The following PKNOX2 variants were observed in gnomAD, a reference collection of about 807,000 sequenced individuals.
The protein encoded by PKNOX2 is PBX/knotted 1 homeobox 2.
In PKNOX2, 14 loss-of-function variants were observed where a neutral mutation model predicts 53.1. The observed-to-expected ratio is 0.26, with a 90% CI of 0.17 to 0.41. The LOEUF is 0.41. Ranked by LOEUF, PKNOX2 falls within the 10% of genes least tolerant of loss-of-function variation. The probability of loss-of-function intolerance (pLI) is 1.00; values close to 1 mark genes in which losing one functional copy is unlikely to be tolerated. For synonymous variants in PKNOX2, 257 were observed against 242.8 expected, an observed-to-expected ratio of 1.06 and a Z score of -0.54; for missense variants, 496 against 602.8, an observed-to-expected ratio of 0.82 and a Z score of 1.85.
chr11:125,405,256 A>G (rs555558193), intron 7 of PKNOX2, among the ~76,000 whole-genome samples: 7 of 146,312 alleles, frequency 4.8e-5, no homozygotes, highest in East Asian at 2.0e-4. Flanking sequence ...TAAAAATTCC[A>G]CCTATTTCAA....
intron 2 of PKNOX2, among the ~76,000 whole-genome samples, chr11:125,275,961 G>C (rs982448831): frequency 7.2e-5 from 11 of 152,174 alleles, no homozygotes; most frequent in African/African-American, 2.7e-4. Context: ...TGCAGAAAGG[G>C]AGAGTGAAGG....
intron 2 of PKNOX2, among the ~76,000 whole-genome samples, chr11:125,246,639 C>G (rs1443238842): frequency 1.3e-5 from 2 of 152,132 alleles, no homozygotes; most frequent in African/African-American, 4.8e-5. Flanking sequence ...ATGTCTTAGC[C>G]TTAGTTTCTC....
At chr11:125,201,020 C>A (rs998129864) in intron 1 of PKNOX2, among the ~76,000 whole-genome samples, 2 of 152,264 alleles carry the variant, frequency 1.3e-5, no homozygotes, top group African/African-American at 4.8e-5. Flanking sequence ...GATGGGGATC[C>A]CTTAATGCAG....
intron 2 of PKNOX2, among the ~76,000 whole-genome samples, chr11:125,264,347 T>C (rs1945133496): frequency 6.6e-6 from 1 of 152,156 alleles, no homozygotes. Context: ...CCCAGATCCC[T>C]TGGAATGCAG....
At chr11:125,275,016 T>A (rs111844231) in intron 2 of PKNOX2, among the ~76,000 whole-genome samples, 42 of 152,356 alleles carry the variant, frequency 2.8e-4, no homozygotes, top group African/African-American at 1.0e-3. Context: ...CAAGGCTTTA[T>A]TGTAGGTTCA....
chr11:125,164,825 C>T (rs892663973), intron 1 of PKNOX2, 49 bp downstream of exon 1: 5 of 177,992 alleles, frequency 2.8e-5, no homozygotes, highest in Non-Finnish European at 4.6e-5. Context: ...CAGGCGGCGG[C>T]GGCGGCGCGG....
intron 10 of PKNOX2, among the ~76,000 whole-genome samples, chr11:125,419,525 C>G (rs1956062661): frequency 6.6e-6 from 1 of 151,294 alleles, no homozygotes; most frequent in African/African-American, 2.4e-5. Context: ...TGTCTGCTAC[C>G]TTTTCCTTTA....
At chr11:125,208,158 G>A (rs924644519) in intron 1 of PKNOX2, among the ~76,000 whole-genome samples, 1 of 152,084 alleles carries the variant, frequency 6.6e-6, no homozygotes, top group Non-Finnish European at 1.5e-5. Context: ...CTTGAAGGAG[G>A]AGTAGAGTTC....
chr11:125,321,420 A>G (rs1949510545), intron 2 of PKNOX2, among the ~76,000 whole-genome samples: 1 of 152,244 alleles, frequency 6.6e-6, no homozygotes, highest in African/African-American at 2.4e-5. Flanking sequence ...GTATACTTTA[A>G]ATCTCTAGAT....
chr11:125,415,225 A>G (rs1955806827), intron 10 of PKNOX2, among the ~76,000 whole-genome samples: 1 of 148,554 alleles, frequency 6.7e-6, no homozygotes, highest in Non-Finnish European at 1.5e-5. Flanking sequence ...TGAGTTATAT[A>G]AAGTTTAGCT....
intron 1 of PKNOX2, among the ~76,000 whole-genome samples, chr11:125,224,672 C>T (rs1418529501): frequency 6.6e-6 from 1 of 152,228 alleles, no homozygotes; most frequent in African/African-American, 2.4e-5. Flanking sequence ...CTGCTGTGAT[C>T]CCAGATCCAG....
At chr11:125,427,214 AC>A (rs1423725248) in intron 10 of PKNOX2, among the ~76,000 whole-genome samples, 2 of 152,124 alleles carry the variant, frequency 1.3e-5, no homozygotes, top group Non-Finnish European at 2.9e-5. Flanking sequence ...GGCCATCTGC[AC>A]CCTCTCCTCC....
chr11:125,396,129 A>G (rs1954383979), intron 6 of PKNOX2, among the ~76,000 whole-genome samples: 1 of 151,556 alleles, frequency 6.6e-6, no homozygotes. Context: ...AATTTTTGTA[A>G]TTTTAGTAGA....
chr11:125,431,470 G>GGGGGGGGGGGGGGGGCCCCCCCCC lies in PKNOX2; in HGVS notation c.*78_*79insGGGGGGGGGGGGGGGCCCCCCCCC. On this transcript the variant is annotated 3_prime_UTR_variant, in exon 13 of 13. Coordinates refer to ENST00000298282, the MANE Select transcript of PKNOX2 (RefSeq NM_001382323.2). ...AGGCCTTCAGGGTGGGGGGGAAGGG[G>GGGGGGGGGGGGGGGGCCCCCCCCC]ACATGGGCAGGAAGCACCGAGGGAG... The GGGGGGGGGGGGGGGGCCCCCCCCC allele has an allele frequency of 3.5e-6, 1 of 282,772 alleles. No homozygotes were observed. Among genetic ancestry groups the GGGGGGGGGGGGGGGGCCCCCCCCC allele is most frequent in the African/African-American group, 2.4e-5 (1 of 41,030 alleles). 17.5% of individuals were successfully genotyped at this position (282,772 alleles called of 1,614,324 possible).
At chr11:125,287,561 G>A (rs1384017957) in intron 2 of PKNOX2, among the ~76,000 whole-genome samples, 4 of 152,158 alleles carry the variant, frequency 2.6e-5, no homozygotes, top group Non-Finnish European at 4.4e-5. Context: ...TTTAGCTGGG[G>A]CAGTCACTCC....
At chr11:125,283,225 C>G (rs1400239923) in intron 2 of PKNOX2, among the ~76,000 whole-genome samples, 1 of 152,004 alleles carries the variant, frequency 6.6e-6, no homozygotes, top group East Asian at 1.9e-4. Context: ...CAGCTAATGC[C>G]TACCATCAGA....
chr11:125,276,729 G>C (rs1053639003), intron 2 of PKNOX2, among the ~76,000 whole-genome samples: 10 of 152,188 alleles, frequency 6.6e-5, no homozygotes, highest in African/African-American at 2.4e-4. Flanking sequence ...CCCAGAGACT[G>C]GGAAATTGAA....
chr11:125,187,089 G>C (rs1165582583), intron 1 of PKNOX2, among the ~76,000 whole-genome samples: 1 of 152,170 alleles, frequency 6.6e-6, no homozygotes, highest in Non-Finnish European at 1.5e-5. Flanking sequence ...CCCCATACCA[G>C]TATCATGTTG....
intron 4 of PKNOX2, among the ~76,000 whole-genome samples, chr11:125,365,003 G>A (rs1043002723): frequency 2.6e-5 from 4 of 151,976 alleles, no homozygotes; most frequent in African/African-American, 9.7e-5. Context: ...TTAAAGAGTT[G>A]GGGTATTGGA....
Sources: allele counts gnomAD v4.1 joint callset (sites outside exome capture counted in the v4.1 genomes callset), GRCh38; gene constraint gnomAD v4.1.1; transcripts MANE v1.5; gene names NCBI Gene and HGNC (gene_info 2026-07-23, HGNC 2026-07-21).